Variants in NPAT observed in about 807,000 individuals in gnomAD.
NPAT encodes the protein protein NPAT.
NPAT carries 52 observed loss-of-function variants against 130.7 expected under a neutral mutation model. The ratio of observed to expected loss-of-function variants is 0.40; its 90% CI spans 0.32 to 0.50. The LOEUF is 0.50. Ranked by LOEUF, NPAT falls within the 20% of genes least tolerant of loss-of-function variation. The probability of loss-of-function intolerance (pLI) is 0.68; values close to 1 mark genes in which losing one functional copy is unlikely to be tolerated. For missense variants in NPAT, 1,687 were observed against 1,662.6 expected (o/e 1.01, Z -0.26); for synonymous variants, 580 against 584.8 (o/e 0.99, Z 0.12).
chr11:108,193,880 T>G, intron 3 of NPAT, 77 bp downstream of exon 3: 1 of 922,346 alleles, frequency 1.1e-6, no homozygotes, highest in Non-Finnish European at 1.7e-6. Context: ...TAATAACCTT[T>G]AGAAATCATT....
Position 108,173,536 on chromosome 11 carries a change from A to G in NPAT, c.1448T>C (p.Ile483Thr). ...AGACAAAGAGTTCTTTTCAATCCCT[A>G]TAGCCATTTCAGTTTCAGTGGACAT... ...NQMSTETEMA[I>T]GIEKNSLSSN... The change falls in exon 13 of 18, where the codon ATA (isoleucine) becomes ACA (threonine). Residue 483 changes from isoleucine (I) to threonine (T), a missense_variant. Physicochemically the swap from Ile to Thr is moderately conservative, Grantham distance 89. Coordinates refer to ENST00000278612, the MANE Select transcript of NPAT (RefSeq NM_002519.3). The G allele has an allele frequency of 1.9e-6, 3 of 1,614,214 alleles. No individual in the cohort carries two copies. The highest frequency in any genetic ancestry group is 2.5e-6 in the Non-Finnish European group (3 of 1,180,022).
intron 1 of NPAT, among the ~76,000 whole-genome samples, chr11:108,206,140 A>G (rs1388659180): frequency 6.6e-6 from 1 of 152,256 alleles, no homozygotes; most frequent in Non-Finnish European, 1.5e-5. Flanking sequence ...ATAACTGTAC[A>G]CAACAATATG....
chr11:108,188,270 TTATATTAAATTCAATTAACATG>T (rs2134861037), intron 6 of NPAT, 91 bp from the exon 7 acceptor site: 1 of 975,696 alleles, frequency 1.0e-6, no homozygotes, highest in South Asian at 1.3e-5. Flanking sequence ...GATTATTATT[TTATATTAAATTCAATTAACATG>T]TACTGAGTGC....
chr11:108,220,275 T>C (rs1453773961), intron 1 of NPAT, among the ~76,000 whole-genome samples: 3 of 152,148 alleles, frequency 2.0e-5, no homozygotes, highest in Non-Finnish European at 4.4e-5. Context: ...TCCTGAAGGA[T>C]AAAAGGTAGG....
chr11:108,185,672 A>C (rs1490452262), intron 8 of NPAT, among the ~76,000 whole-genome samples, 178 bp from the exon 9 acceptor site: 1 of 152,204 alleles, frequency 6.6e-6, no homozygotes, highest in Admixed American at 6.5e-5. Context: ...CATAATTTGC[A>C]AATGTTTTCA....
intron 1 of NPAT, among the ~76,000 whole-genome samples, chr11:108,215,404 A>G (rs1052133507): frequency 7.9e-5 from 12 of 152,210 alleles, no homozygotes; most frequent in Admixed American, 6.5e-5. Context: ...GTAGAGGATC[A>G]GGAAAAATAA....
At chr11:108,201,855 T>A (rs1292974654) in intron 1 of NPAT, among the ~76,000 whole-genome samples, 1 of 152,206 alleles carries the variant, frequency 6.6e-6, no homozygotes, top group Non-Finnish European at 1.5e-5. Flanking sequence ...AGCTTGAACA[T>A]GACTATGAAC....
At chr11:108,214,193 C>T (rs911767728) in intron 1 of NPAT, among the ~76,000 whole-genome samples, 3 of 151,984 alleles carry the variant, frequency 2.0e-5, no homozygotes, top group African/African-American at 7.3e-5. Flanking sequence ...TTACAGCTGG[C>T]CTGCATTTTT....
chr11:108,185,944 T>C (rs201308875), intron 8 of NPAT, among the ~76,000 whole-genome samples: 1 of 152,110 alleles, frequency 6.6e-6, no homozygotes, highest in Non-Finnish European at 1.5e-5. Context: ...TGGTCTTGAA[T>C]TCCTGGCCTC....
intron 1 of NPAT, among the ~76,000 whole-genome samples, chr11:108,217,340 T>C (rs968690374): frequency 1.3e-5 from 2 of 152,224 alleles, no homozygotes; most frequent in Non-Finnish European, 2.9e-5. Flanking sequence ...ATCTTAAATG[T>C]ATATATAGCT....
intron 10 of NPAT, among the ~76,000 whole-genome samples, chr11:108,181,137 A>G (rs1381300940): frequency 2.6e-5 from 4 of 152,230 alleles, no homozygotes; most frequent in African/African-American, 4.8e-5. Context: ...GTATTTGCAG[A>G]TAAGACCTTT....
intron 10 of NPAT, among the ~76,000 whole-genome samples, chr11:108,183,430 T>G (rs559248723): frequency 3.8e-4 from 58 of 152,302 alleles, no homozygotes; most frequent in African/African-American, 1.4e-3. Context: ...CACATGGGCA[T>G]GCCAATAAAA....
intron 11 of NPAT, among the ~76,000 whole-genome samples, chr11:108,176,591 G>C (rs1308545669): frequency 6.6e-6 from 1 of 152,178 alleles, no homozygotes; most frequent in Non-Finnish European, 1.5e-5. Flanking sequence ...ATTTTCTAAC[G>C]AGTTCTCAGA....
intron 1 of NPAT, among the ~76,000 whole-genome samples, chr11:108,212,250 T>C (rs2078391132): frequency 6.6e-6 from 1 of 151,984 alleles, no homozygotes; most frequent in South Asian, 2.1e-4. Flanking sequence ...CCAGGCCGGG[T>C]GCAGTGGCTC....
intron 2 of NPAT, among the ~76,000 whole-genome samples, chr11:108,195,653 G>T (rs1403303280): frequency 6.6e-6 from 1 of 151,828 alleles, no homozygotes; most frequent in Non-Finnish European, 1.5e-5. Context: ...TTTGGGACAG[G>T]GTTTTACTCT....
rs113752046 is a variant in NPAT, at chr11:108,161,205, C to T, written c.3881G>A (p.Arg1294His). 20 of 1,614,026 alleles carry T rather than the reference C, an allele frequency of 1.2e-5. No individual in the cohort carries two copies. Among genetic ancestry groups the T allele is most frequent in the East Asian group, 4.5e-5 (2 of 44,898 alleles). Residue 1294 changes from arginine (R) to histidine (H), a missense_variant, in exon 17 of 18, where the codon CGT (arginine) becomes CAT (histidine). Around this residue, in one of 3 missense-constraint regions of NPAT, gnomAD observed 1,379 missense variants for 1,346.6 expected, o/e 1.02. Transcript: ENST00000278612. ...IDIIKAPSSRRFSEDSSTSKV... is the reference protein window; with the variant it reads ...IDIIKAPSSRHFSEDSSTSKV... ...TGATGTACTACTGTCTTCACTGAAACGCCTACTAGAGGGGGCCTTGATAAT... is the reference window on the plus strand; with the variant it reads ...TGATGTACTACTGTCTTCACTGAAATGCCTACTAGAGGGGGCCTTGATAAT...
At chr11:108,215,456 C>A (rs570378770) in intron 1 of NPAT, among the ~76,000 whole-genome samples, 1 of 152,086 alleles carries the variant, frequency 6.6e-6, no homozygotes, top group Non-Finnish European at 1.5e-5. Context: ...TGAAATAATA[C>A]GTACAACAAA....
intron 12 of NPAT, among the ~76,000 whole-genome samples, chr11:108,175,936 C>T (rs2078001047): frequency 6.6e-6 from 1 of 152,142 alleles, no homozygotes; most frequent in Non-Finnish European, 1.5e-5. Flanking sequence ...CTGGGAGCAT[C>T]GTTTGAGGCT....
intron 1 of NPAT, among the ~76,000 whole-genome samples, chr11:108,204,572 G>T (rs1457057344): frequency 1.3e-5 from 2 of 152,160 alleles, no homozygotes; most frequent in Non-Finnish European, 2.9e-5. Context: ...CGAACCTGCA[G>T]AACCTGCCGG....
Sources: gnomAD v4.1 joint callset for allele counts (sites outside exome capture counted in the v4.1 genomes callset) on GRCh38, gnomAD v4.1.1 for gene constraint, gnomAD v4.1.1 regional missense constraint, MANE v1.5 for transcripts, NCBI Gene and HGNC (gene_info 2026-07-23, HGNC 2026-07-21) for gene names.